The following PLPPR2 variants were observed in gnomAD, a reference collection of about 807,000 sequenced individuals.
The protein encoded by PLPPR2 is phospholipid phosphatase related 2.
A neutral mutation model predicts 40.3 loss-of-function variants in PLPPR2; 11 were observed. That is an observed-to-expected ratio of 0.27 (90% CI 0.17 to 0.45). The LOEUF is 0.45. Among genes scored for constraint, PLPPR2 ranks in the 20% least tolerant of loss-of-function variants. The pLI, the probability that PLPPR2 is intolerant of heterozygous loss-of-function variation, is 1.00. For missense variants in PLPPR2, 497 were observed against 640.7 expected (o/e 0.78, Z 2.42); for synonymous variants, 260 against 290.8 (o/e 0.89, Z 1.08).
At chr19:11,356,664 T>TTG (rs66994507) in intron 1 of PLPPR2, 138 bp from the exon 2 acceptor site, 75,583 of 145,856 alleles carry the variant, frequency 0.52, 19,180 homozygotes, top group South Asian at 0.59. Context: ...TATGCCATGG[T>TTG]TGTGTGTGTG....
At position 11,362,561 on chromosome 19, in the gene PLPPR2, C is replaced by A; in HGVS notation, c.712C>A (p.Pro238Thr). The change falls in exon 7 of 10, where the codon CCC becomes ACC. Residue 238 changes from proline to threonine, a missense_variant. Pro to Thr is a conservative substitution (Grantham distance 38, BLOSUM62 -1). Coordinates refer to ENST00000688289, the MANE Select transcript of PLPPR2 (RefSeq NM_001393892.1). The surrounding 1 kb of genome is among the most constrained non-coding windows in gnomAD (Gnocchi z 5.3). Reference sequence around the variant, plus strand: ...CGTGAAGGGCTCCCGCCTGGTCAAACCCTCGCTCTGCCTGGCCTTGCTGTG... The same window carrying A: ...CGTGAAGGGCTCCCGCCTGGTCAAAACCTCGCTCTGCCTGGCCTTGCTGTG... ...FRVKGSRLVK[P>T]SLCLALLCPA... 1 of 1,612,496 alleles carries A rather than the reference C, an allele frequency of 6.2e-7. No homozygotes were observed. The highest frequency in any genetic ancestry group is 8.5e-7 in the Non-Finnish European group (1 of 1,179,998).
Position 11,363,724 on chromosome 19 carries a change from T to C in PLPPR2, c.852T>C (p.Val284=). The change falls in exon 8 of 10, where the codon GTT becomes GTC. Residue 284 remains valine (V), a synonymous_variant. Coordinates refer to ENST00000688289, the MANE Select transcript of PLPPR2 (RefSeq NM_001393892.1). This position sits in a 1 kb window ranked among gnomAD's most constrained non-coding sequence, Gnocchi z 4.8. The part of the protein sequence containing the change: ...AAIATFLVTC[V]VHNFQSRPPS... Reference sequence around the variant, plus strand: ...TCCCTCTATTCCAGGTCACCTGCGTTGTGCATAACTTTCAGAGCCGGCCAC... The same window carrying C: ...TCCCTCTATTCCAGGTCACCTGCGTCGTGCATAACTTTCAGAGCCGGCCAC... 3.7e-6 allele frequency: 6 copies of C among 1,613,750 alleles called. No individual in the cohort carries two copies. Among genetic ancestry groups the C allele is most frequent in the South Asian group, 1.1e-5 (1 of 91,012 alleles).
At chr19:11,358,400 A>T (rs1318895981) in intron 3 of PLPPR2, among the ~76,000 whole-genome samples, 2 of 152,040 alleles carry the variant, frequency 1.3e-5, no homozygotes, top group African/African-American at 4.8e-5. Flanking sequence ...TCATGGACAA[A>T]GCTTGGTACG....
At position 11,361,599 on chromosome 19, in the gene PLPPR2, T is replaced by C. The variant is rs1048709162; in HGVS notation, c.663+111T>C. On this transcript the variant is annotated intron_variant, in intron 6 of 9. Coordinates refer to ENST00000688289, the MANE Select transcript of PLPPR2 (RefSeq NM_001393892.1). This position sits in a 1 kb window ranked among gnomAD's most constrained non-coding sequence, Gnocchi z 6.3. ...CTGCTCTTCCACGCCCCGGGTGCTG[T>C]TGGAAGCTCTCGCTCCACGCCCCGA... 2.9e-5 allele frequency: 41 copies of C among 1,424,928 alleles called. No individual in the cohort carries two copies. Among genetic ancestry groups the C allele is most frequent in the South Asian group, 1.2e-4 (9 of 73,118 alleles). 88.3% of individuals were successfully genotyped at this position (1,424,928 alleles called of 1,614,324 possible).
Position 11,363,068 on chromosome 19 carries a change from C to T in PLPPR2, c.840+379C>T, listed in dbSNP as rs1192223885. On this transcript the variant is annotated intron_variant, in intron 7 of 9. Coordinates refer to ENST00000688289, the MANE Select transcript of PLPPR2 (RefSeq NM_001393892.1). The surrounding 1 kb of genome is among the most constrained non-coding windows in gnomAD (Gnocchi z 4.8). Reference sequence around the variant, plus strand: ...CAGCACTTTGGGAAGCTGAGGCAGGCGGATCACTTGAGGCCAAGAGTTCGA... The same window carrying T: ...CAGCACTTTGGGAAGCTGAGGCAGGTGGATCACTTGAGGCCAAGAGTTCGA... 2.0e-5 allele frequency among the ~76,000 whole-genome samples: 3 copies of T among 152,072 alleles called. No individual in the cohort carries two copies. Among genetic ancestry groups the T allele is most frequent in the South Asian group, 2.1e-4 (1 of 4,822 alleles).
intron 5 of PLPPR2, among the ~76,000 whole-genome samples, chr19:11,360,526 A>G (rs1197581041): frequency 6.6e-6 from 1 of 152,172 alleles, no homozygotes; most frequent in Non-Finnish European, 1.5e-5. Flanking sequence ...GGCTCAGACC[A>G]GATGTAATGG....
chr19:11,363,921 T>G lies in PLPPR2; in HGVS notation c.963+86T>G, dbSNP rs1599408441. On this transcript the variant is annotated intron_variant, in intron 8 of 9. Transcript: ENST00000688289. The surrounding 1 kb of genome is among the most constrained non-coding windows in gnomAD (Gnocchi z 4.8). The stretch of plus-strand genomic sequence containing the variant: ...GACAGGAAGGAAGTCAGGCAAGAGG[T>G]GGGGGTCTCAGAACCATGGGGAAGT... 1.3e-6 allele frequency: 2 copies of G among 1,488,516 alleles called. No individual in the cohort carries two copies. Among genetic ancestry groups the G allele is most frequent in the Non-Finnish European group, 1.8e-6 (2 of 1,104,276 alleles). The allele number at this position is 1,488,516 out of a possible 1,614,324, so 92.2% of individuals were successfully genotyped here.
At position 11,359,293 on chromosome 19, in the gene PLPPR2, G is replaced by A. The variant is rs1007795731; in HGVS notation, c.67-239G>A. Among the ~76,000 whole-genome samples the A allele has an allele frequency of 3.9e-5, 6 of 152,048 alleles. No individual in the cohort carries two copies. The highest frequency in any genetic ancestry group is 1.9e-4 in the East Asian group (1 of 5,192). ...ATTACAGGCACGAGCCGCTGCACACGGCCCCTCTGTTTCTGTCTCCTTCTC... is the reference window on the plus strand; with the variant it reads ...ATTACAGGCACGAGCCGCTGCACACAGCCCCTCTGTTTCTGTCTCCTTCTC... On this transcript the variant is annotated intron_variant, in intron 3 of 9. Coordinates refer to ENST00000688289, the MANE Select transcript of PLPPR2 (RefSeq NM_001393892.1). This position sits in a 1 kb window ranked among gnomAD's most constrained non-coding sequence, Gnocchi z 5.6.
chr19:11,363,660 G>C lies in PLPPR2; in HGVS notation c.841-53G>C. 1 of 1,555,366 alleles carries C rather than the reference G, an allele frequency of 6.4e-7. No individual in the cohort carries two copies. The highest frequency in any genetic ancestry group is 8.7e-7 in the Non-Finnish European group (1 of 1,146,084). The stretch of plus-strand genomic sequence containing the variant: ...GAAAAATGGGGATGGTATTTACATG[G>C]CTCCTATGTGACTTGCCCCAGGCCT... On this transcript the variant is annotated intron_variant, in intron 7 of 9. Coordinates refer to ENST00000688289, the MANE Select transcript of PLPPR2 (RefSeq NM_001393892.1). The surrounding 1 kb of genome is among the most constrained non-coding windows in gnomAD (Gnocchi z 4.8).
rs1376167926 is a variant in PLPPR2 at position 11,362,324 on chromosome 19, C to T, written c.664-189C>T. ...CTCCAAGACCTCAATCCCTGACCCCCCCCCCTTTGCCTTTTTGGTCACGCT... is the reference window on the plus strand; with the variant it reads ...CTCCAAGACCTCAATCCCTGACCCCTCCCCCTTTGCCTTTTTGGTCACGCT... On this transcript the variant is annotated intron_variant, in intron 6 of 9. Transcript: ENST00000688289. The surrounding 1 kb of genome is among the most constrained non-coding windows in gnomAD (Gnocchi z 5.3). 1.7e-6 allele frequency: 1 copy of T among 572,682 alleles called. No individual in the cohort carries two copies. The highest frequency in any genetic ancestry group is 3.1e-6 in the Non-Finnish European group (1 of 323,338). 35.5% of individuals were successfully genotyped at this position (572,682 alleles called of 1,614,324 possible). A position where few individuals can be genotyped will look rare whatever the true frequency, so the allele number is the denominator to read the frequency against.
chr19:11,362,017 T>TC lies in PLPPR2; in HGVS notation c.664-495dup, dbSNP rs1968061019. On this transcript the variant is annotated intron_variant, in intron 6 of 9. Transcript: ENST00000688289. This position sits in a 1 kb window ranked among gnomAD's most constrained non-coding sequence, Gnocchi z 5.3. ...AACTCTGTCCCCTGCTTTTTCCTGG[T>TC]CACATCCCCTGTTGCTTCAACTCTT... is the stretch of plus-strand genomic sequence containing the variant. Among the ~76,000 whole-genome samples the TC allele has an allele frequency of 6.6e-6, 1 of 152,128 alleles. No homozygotes were observed. Among genetic ancestry groups the TC allele is most frequent in the Admixed American group, 6.5e-5 (1 of 15,272 alleles).
rs1968099425 is a variant in PLPPR2, at chr19:11,363,225, G to C, written c.841-488G>C. Among the ~76,000 whole-genome samples the C allele has an allele frequency of 6.7e-6, 1 of 149,008 alleles. No individual in the cohort carries two copies. The highest frequency in any genetic ancestry group is 2.5e-5 in the African/African-American group (1 of 40,372). ...GAACCCGGGGGACGGAGGTTGCAGT[G>C]AACTGAGATCGTGCCACCTCACTCC... On this transcript the variant is annotated intron_variant, in intron 7 of 9. Transcript: ENST00000688289. The surrounding 1 kb of genome is among the most constrained non-coding windows in gnomAD (Gnocchi z 4.8).
Position 11,359,887 on chromosome 19 carries a change from G to C in PLPPR2, c.322G>C (p.Glu108Gln). The C allele has an allele frequency of 6.2e-7, 1 of 1,613,894 alleles. No homozygotes were observed. The highest frequency in any genetic ancestry group is 8.5e-7 in the Non-Finnish European group (1 of 1,179,892). Residue 108 changes from glutamate to glutamine, a missense_variant, in exon 5 of 10, where the codon GAG becomes CAG. By Grantham distance (29) the Glu-to-Gln change is conservative. Transcript: ENST00000688289. This position sits in a 1 kb window ranked among gnomAD's most constrained non-coding sequence, Gnocchi z 5.6. ...APPSAVPVIG[E>Q]STIVSGACCR... ...ACCTTCAGCCGTCCCAGTCATCGGG[G>C]AGAGCACCATCGTGTCTGGGGCCTG...
At position 11,359,493 on chromosome 19, in the gene PLPPR2, C is replaced by T. The variant is rs1967983810; in HGVS notation, c.67-39C>T. On this transcript the variant is annotated intron_variant, in intron 3 of 9. Coordinates refer to ENST00000688289, the MANE Select transcript of PLPPR2 (RefSeq NM_001393892.1). This position sits in a 1 kb window ranked among gnomAD's most constrained non-coding sequence, Gnocchi z 5.6. ...CAGCTGGAGTCCTGACCTCTCTCTT[C>T]TCTCTCCGCCACCTCTCCCCGCCCT... 3 of 1,500,974 alleles carry T rather than the reference C, an allele frequency of 2.0e-6. No homozygotes were observed. Among genetic ancestry groups the T allele is most frequent in the Non-Finnish European group, 2.7e-6 (3 of 1,121,776 alleles). The allele number at this position is 1,500,974 out of a possible 1,614,324, so 93.0% of individuals were successfully genotyped here.
In PLPPR2 at chr19:11,364,126, G is replaced by C. The variant is rs1968125228; in HGVS notation, c.964-35G>C. ...GGCTGTGGCCGGTAGGGCCCAGGGG[G>C]CCACTAGCCCCTTCCGTCTGTCTCT... On this transcript the variant is annotated intron_variant, in intron 8 of 9. Coordinates refer to ENST00000688289, the MANE Select transcript of PLPPR2 (RefSeq NM_001393892.1). This position sits in a 1 kb window ranked among gnomAD's most constrained non-coding sequence, Gnocchi z 5.8. The C allele has an allele frequency of 6.3e-7, 1 of 1,591,844 alleles. No homozygotes were observed. The highest frequency in any genetic ancestry group is 1.3e-5 in the African/African-American group (1 of 74,148).
At position 11,364,178 on chromosome 19, in the gene PLPPR2, G is replaced by T; in HGVS notation, c.981G>T (p.Arg327Ser). The change falls in exon 9 of 10, where the codon AGG (arginine) becomes AGT (serine). Residue 327 changes from arginine (R) to serine (S), a missense_variant. Coordinates refer to ENST00000688289, the MANE Select transcript of PLPPR2 (RefSeq NM_001393892.1). This position sits in a 1 kb window ranked among gnomAD's most constrained non-coding sequence, Gnocchi z 5.8. The part of the protein sequence containing the change: ...LSVAQEPEVC[R>S]PHSTPARLTP... Reference sequence around the variant, plus strand: ...TGTCTCAGGAACCCGAGGTCTGCAGGCCGCATTCGACACCGGCACGGCTCA... The same window carrying T: ...TGTCTCAGGAACCCGAGGTCTGCAGTCCGCATTCGACACCGGCACGGCTCA... 6.2e-7 allele frequency: 1 copy of T among 1,612,342 alleles called. No homozygotes were observed. Among genetic ancestry groups the T allele is most frequent in the East Asian group, 2.2e-5 (1 of 44,820 alleles).
chr19:11,363,593 C>G lies in PLPPR2; in HGVS notation c.841-120C>G, dbSNP rs537386995. ...CCAACAGTGCCTGGCACATACTATG[C>G]ATTAGCTGTTTTTGAAAACCGGAGC... On this transcript the variant is annotated intron_variant, in intron 7 of 9. Transcript: ENST00000688289. This position sits in a 1 kb window ranked among gnomAD's most constrained non-coding sequence, Gnocchi z 4.8. The G allele has an allele frequency of 3.3e-4, 379 of 1,157,086 alleles. No homozygotes were observed. In the African/African-American group the frequency reaches 5.4e-3, roughly 16 times the overall value. 71.7% of individuals were successfully genotyped at this position (1,157,086 alleles called of 1,614,324 possible).
Position 11,359,729 on chromosome 19 carries a change from A to G in PLPPR2, c.255+9A>G, listed in dbSNP as rs371202279. On this transcript the variant is annotated intron_variant, in intron 4 of 9. Transcript: ENST00000688289. The surrounding 1 kb of genome is among the most constrained non-coding windows in gnomAD (Gnocchi z 5.6). ...CCGGGCCCACCCTCACGGTGAGACA[A>G]TGAAGACCTCCTAGGAGGCAGGTGG... 2.8e-5 allele frequency: 45 copies of G among 1,583,498 alleles called. No individual in the cohort carries two copies. The highest frequency in any genetic ancestry group is 2.7e-4 in the East Asian group (12 of 44,320).
chr19:11,363,759 G>A lies in PLPPR2; in HGVS notation c.887G>A (p.Arg296Gln), dbSNP rs140179357. 1.4e-5 allele frequency: 23 copies of A among 1,614,034 alleles called. No individual in the cohort carries two copies. In the African/African-American group the frequency reaches 2.1e-4, roughly 15 times the overall value. Reference sequence around the variant, plus strand: ...TTTCAGAGCCGGCCACCCTCTGGCCGAAGGCTCTCTCCCTGGGAGGACCTG... The same window carrying A: ...TTTCAGAGCCGGCCACCCTCTGGCCAAAGGCTCTCTCCCTGGGAGGACCTG... Reference protein sequence around the residue: ...HNFQSRPPSGRRLSPWEDLGQ... With the variant: ...HNFQSRPPSGQRLSPWEDLGQ... Residue 296 changes from arginine to glutamine, a missense_variant, in exon 8 of 10, where the codon CGA becomes CAA. Transcript: ENST00000688289. The surrounding 1 kb of genome is among the most constrained non-coding windows in gnomAD (Gnocchi z 4.8).
Sources: gnomAD v4.1 joint callset for allele counts (sites outside exome capture counted in the v4.1 genomes callset) on GRCh38, gnomAD v4.1.1 for gene constraint, Gnocchi (gnomAD v3.1) non-coding constraint, MANE v1.5 for transcripts, NCBI Gene and HGNC (gene_info 2026-07-23, HGNC 2026-07-21) for gene names.